Variants in KCNK2 observed in about 807,000 individuals in gnomAD.
The protein encoded by KCNK2 is potassium channel subfamily K member 2.
KCNK2 carries 21 observed loss-of-function variants against 40.5 expected under a neutral mutation model. The observed-to-expected ratio is 0.52, with a 90% confidence interval of 0.37 to 0.75. The LOEUF is 0.75. Among genes scored for constraint, KCNK2 ranks in the 30% least tolerant of loss-of-function variants. KCNK2 has a pLI of 0.00. For synonymous variants in KCNK2, 191 were observed against 202.2 expected (o/e 0.94, Z 0.47); for missense variants, 399 against 531.6 (o/e 0.75, Z 2.45).
intron 6 of KCNK2, among the ~76,000 whole-genome samples, chr1:215,230,611 G>A (rs5019190): frequency 0.054 from 5,323 of 98,858 alleles, 396 homozygotes; most frequent in African/African-American, 0.19. Context: ...ATATATAGCC[G>A]TATATATATA....
At chr1:215,142,800 T>C (rs1418923238) in intron 3 of KCNK2, among the ~76,000 whole-genome samples, 2 of 152,170 alleles carry the variant, frequency 1.3e-5, no homozygotes, top group Non-Finnish European at 2.9e-5. Context: ...AAATATTTTT[T>C]TTTTCTAGCT....
intron 2 of KCNK2, among the ~76,000 whole-genome samples, chr1:215,090,054 G>A (rs187891219): frequency 5.9e-5 from 9 of 152,080 alleles, no homozygotes; most frequent in Admixed American, 4.6e-4. Context: ...TCGAACTCCC[G>A]ACCTCAGGTG....
At chr1:215,075,093 A>C (rs1374684361) in intron 1 of KCNK2, among the ~76,000 whole-genome samples, 1 of 152,190 alleles carries the variant, frequency 6.6e-6, no homozygotes, top group Non-Finnish European at 1.5e-5. Flanking sequence ...TCATATGCAA[A>C]ACATGGGTGT....
chr1:215,020,551 G>C (rs1406685235), intron 1 of KCNK2, among the ~76,000 whole-genome samples: 1 of 152,048 alleles, frequency 6.6e-6, no homozygotes, highest in Non-Finnish European at 1.5e-5. Context: ...TCAGCCTCTT[G>C]AATAGCTGGG....
chr1:215,169,164 A>G lies in KCNK2; in HGVS notation c.476-35A>G, dbSNP rs895754169. The stretch of plus-strand genomic sequence containing the variant: ...TTGAGTTCATATGTTTTAAACAACT[A>G]TTATTCATTTGTAAACAATGTAATT... On this transcript the variant is annotated intron_variant, in intron 3 of 6. Transcript: ENST00000444842. 17 of 1,536,028 alleles carry G rather than the reference A, an allele frequency of 1.1e-5. No individual in the cohort carries two copies. The African/African-American group carries it at 1.4e-4, about 13-fold the overall frequency.
chr1:215,038,986 A>G (rs1312402525), intron 1 of KCNK2, among the ~76,000 whole-genome samples: 1 of 152,130 alleles, frequency 6.6e-6, no homozygotes, highest in Non-Finnish European at 1.5e-5. Context: ...ATGCTATGAA[A>G]AAAAAAAGAA....
intron 1 of KCNK2, among the ~76,000 whole-genome samples, chr1:215,036,718 T>G (rs138964576): frequency 6.6e-6 from 1 of 151,976 alleles, no homozygotes; most frequent in African/African-American, 2.4e-5. Flanking sequence ...TTTTGTAGTA[T>G]TCAATGTACA....
Position 215,098,227 on chromosome 1 carries a change from T to A in KCNK2, c.357+11549T>A, listed in dbSNP as rs913640871. Among the ~76,000 whole-genome samples the A allele has an allele frequency of 2.0e-5, 3 of 152,032 alleles. No homozygotes were observed. In the South Asian group the frequency reaches 6.2e-4, roughly 31 times the overall value. Reference sequence around the variant, plus strand: ...TGGGCAGTATTCCAGAAGAGGAGAATCATAATTTACCATGGGTGGCTTTTT... The same window carrying A: ...TGGGCAGTATTCCAGAAGAGGAGAAACATAATTTACCATGGGTGGCTTTTT... On this transcript the variant is annotated intron_variant, in intron 2 of 6. Coordinates refer to ENST00000444842, the MANE Select transcript of KCNK2 (RefSeq NM_001017425.3).
At chr1:215,041,005 C>A (rs1331232178) in intron 1 of KCNK2, among the ~76,000 whole-genome samples, 2 of 152,148 alleles carry the variant, frequency 1.3e-5, no homozygotes, top group Non-Finnish European at 2.9e-5. Context: ...CAAGGCTTCA[C>A]TTCCTTTTAA....
chr1:215,085,053 G>A (rs1659369936), intron 1 of KCNK2, among the ~76,000 whole-genome samples: 1 of 152,210 alleles, frequency 6.6e-6, no homozygotes, highest in African/African-American at 2.4e-5. Flanking sequence ...GGCAGGGTAG[G>A]TAGCCATGTG....
intron 1 of KCNK2, 83 bp downstream of exon 1, chr1:215,083,514 C>T (rs1024680747): frequency 1.6e-5 from 16 of 993,890 alleles, no homozygotes; most frequent in East Asian, 1.4e-4. Context: ...TGCAAATGCC[C>T]CCTCTCAGCA....
chr1:215,127,531 T>C (rs1661488635), intron 3 of KCNK2, among the ~76,000 whole-genome samples: 1 of 152,196 alleles, frequency 6.6e-6, no homozygotes, highest in African/African-American at 2.4e-5. Flanking sequence ...TTAAATTATA[T>C]ACATACTTTA....
chr1:215,184,128 C>A (rs1206850506), intron 5 of KCNK2, among the ~76,000 whole-genome samples: 3 of 152,110 alleles, frequency 2.0e-5, no homozygotes, highest in Non-Finnish European at 2.9e-5. Context: ...TGCTGAAGAT[C>A]TTTTAGTTTC....
chr1:215,008,743 G>A (rs1204718673), intron 1 of KCNK2, among the ~76,000 whole-genome samples: 1 of 152,064 alleles, frequency 6.6e-6, no homozygotes, highest in Non-Finnish European at 1.5e-5. Flanking sequence ...TGTGCTCAAT[G>A]CTATTCAAAG....
At chr1:215,071,607 T>C (rs144726955) in intron 1 of KCNK2, among the ~76,000 whole-genome samples, 36 of 152,216 alleles carry the variant, frequency 2.4e-4, no homozygotes, top group African/African-American at 8.7e-4. Context: ...TTATAGCAAT[T>C]CCATCAGAAG....
intron 6 of KCNK2, among the ~76,000 whole-genome samples, chr1:215,232,101 G>A (rs932982826): frequency 2.6e-5 from 4 of 152,086 alleles, no homozygotes; most frequent in Admixed American, 1.3e-4. Flanking sequence ...TTCCACTTGC[G>A]GTAATACTTT....
At chr1:215,091,188 GCCT>G (rs998373790) in intron 2 of KCNK2, among the ~76,000 whole-genome samples, 1 of 152,172 alleles carries the variant, frequency 6.6e-6, no homozygotes, top group Non-Finnish European at 1.5e-5. Context: ...ATTTTAAGGT[GCCT>G]CATAGTGCTC....
chr1:215,016,789 C>T (rs1457959893), intron 1 of KCNK2, among the ~76,000 whole-genome samples: 1 of 152,000 alleles, frequency 6.6e-6, no homozygotes, highest in Admixed American at 6.6e-5. Context: ...GCAAAGGAAA[C>T]AGTTAACAGA....
chr1:215,164,610 A>C (rs1281419558), intron 3 of KCNK2, among the ~76,000 whole-genome samples: 1 of 152,070 alleles, frequency 6.6e-6, no homozygotes, highest in African/African-American at 2.4e-5. Context: ...ATTCTGGTAC[A>C]TTGTGTCTTT....
Sources: allele counts gnomAD v4.1 joint callset (sites outside exome capture counted in the v4.1 genomes callset), GRCh38; gene constraint gnomAD v4.1.1; transcripts MANE v1.5; gene names NCBI Gene and HGNC (gene_info 2026-07-23, HGNC 2026-07-21).